TREM1: variants seen among roughly 807,000 people sequenced by gnomAD.
TREM1 encodes triggering receptor expressed on monocytes 1.
TREM1 carries 16 observed loss-of-function variants against 22.4 expected under a neutral mutation model. The observed-to-expected ratio is 0.71, with a 90% CI of 0.48 to 1.08. TREM1 has a LOEUF of 1.08. TREM1 is among the 50% of genes least tolerant of loss of function. The pLI is 0.00. For missense variants in TREM1, 283 were observed against 282.9 expected, an observed-to-expected ratio of 1.00 and a Z score of 0.00; for synonymous variants, 110 against 111.6, an observed-to-expected ratio of 0.99 and a Z score of 0.09.
intron 3 of TREM1, chr6:41,279,430 C>G (rs1334625532): frequency 1.3e-6 from 1 of 741,356 alleles, no homozygotes; most frequent in East Asian, 1.3e-4. Context: ...ACAGCTTACA[C>G]TTAAGGCCCT....
chr6:41,275,827 C>A lies in TREM1; in HGVS notation c.*298G>T. The A allele has an allele frequency of 2.4e-6, 1 of 411,180 alleles. No homozygotes were observed. Among genetic ancestry groups the A allele is most frequent in the Non-Finnish European group, 4.5e-6 (1 of 220,682 alleles). The allele number at this position is 411,180 out of a possible 1,614,324, so 25.5% of individuals were successfully genotyped here. A position where few individuals can be genotyped will look rare whatever the true frequency, so the allele number is the denominator to read the frequency against. ...TGTCACAGCCCCCACAAGAGAATTA[C>A]GGTGAAAAGCATTGAGCTGTCTGTA... On this transcript the variant is annotated 3_prime_UTR_variant, in exon 4 of 4. Transcript: ENST00000244709.
At position 41,274,461 on chromosome 6, in the gene TREM1, TAAA is replaced by T. The variant is rs1767586014; in HGVS notation, c.*1661_*1663del. ...TAAACAGGAACAATGCTGGGATTGCTAAAGTGTGGGGTTCCAGACCAGCAAGCT... is the reference window on the plus strand; with the variant it reads ...TAAACAGGAACAATGCTGGGATTGCTGTGTGGGGTTCCAGACCAGCAAGCT... On this transcript the variant is annotated 3_prime_UTR_variant, in exon 4 of 4. Coordinates refer to ENST00000244709, the MANE Select transcript of TREM1 (RefSeq NM_018643.5). Among the ~76,000 whole-genome samples, 1 of 152,158 alleles carries T rather than the reference TAAA, an allele frequency of 6.6e-6. No individual in the cohort carries two copies. The highest frequency in any genetic ancestry group is 2.4e-5 in the African/African-American group (1 of 41,430).
At chr6:41,276,840 T>C (rs1767690904) in intron 3 of TREM1, among the ~76,000 whole-genome samples, 1 of 152,064 alleles carries the variant, frequency 6.6e-6, no homozygotes, top group African/African-American at 2.4e-5. Context: ...AAAGGCCAGA[T>C]GCAGAGCCAG....
intron 3 of TREM1, among the ~76,000 whole-genome samples, chr6:41,278,550 G>A (rs1767763367): frequency 6.6e-6 from 1 of 151,868 alleles, no homozygotes; most frequent in Admixed American, 6.6e-5. Flanking sequence ...GTATGCACCT[G>A]TGGTCCCAGC....
intron 1 of TREM1, 81 bp downstream of exon 1, chr6:41,286,526 G>C (rs1050116855): frequency 6.6e-7 from 1 of 1,504,798 alleles, no homozygotes. Context: ...ATGGCCCTGT[G>C]CTCTGAAGCT....
chr6:41,267,990 GAGA>G (rs1767375273), exon 4 of TREM1: 1 of 398,658 alleles, frequency 2.5e-6, no homozygotes, highest in Non-Finnish European at 4.4e-6. Flanking sequence ...TCCAGCCTGG[GAGA>G]AGAACTGACT....
At chr6:41,272,980 C>A (rs946899610), downstream of TREM1, among the ~76,000 whole-genome samples, 4 of 152,132 alleles carry the variant, frequency 2.6e-5, no homozygotes, top group African/African-American at 9.7e-5. Flanking sequence ...GTTCTGCTTC[C>A]CCTTCTATTG....
rs1023212084 is a variant in TREM1, at chr6:41,276,013, G to C, written c.*112C>G. 28 of 779,844 alleles carry C rather than the reference G, an allele frequency of 3.6e-5. 1 individual carries two copies. The Middle Eastern group carries it at 9.6e-4, about 27-fold the overall frequency. The allele number at this position is 779,844 out of a possible 1,614,324, so 48.3% of individuals were successfully genotyped here. On this transcript the variant is annotated 3_prime_UTR_variant, in exon 4 of 4. Coordinates refer to ENST00000244709, the MANE Select transcript of TREM1 (RefSeq NM_018643.5). ...ACTTTAGAAATAGCCGGTGATTACA[G>C]ATTTAATTCATGTTATTAACTCCCT...
intron 2 of TREM1, 46 bp from the exon 3 acceptor site, chr6:41,281,199 A>G (rs1429294665): frequency 6.3e-7 from 1 of 1,593,624 alleles, no homozygotes; most frequent in Non-Finnish European, 8.6e-7. Flanking sequence ...ATGGATGATG[A>G]ATGGGTGGAT....
At chr6:41,272,111 A>G (rs755620249), downstream of TREM1, among the ~76,000 whole-genome samples, 4 of 152,114 alleles carry the variant, frequency 2.6e-5, no homozygotes, top group Non-Finnish European at 5.9e-5. Flanking sequence ...TTTACAATTG[A>G]CAAACCTTGG....
chr6:41,280,014 A>G (rs1767840375), intron 3 of TREM1: 2 of 980,488 alleles, frequency 2.0e-6, no homozygotes, highest in Non-Finnish European at 2.4e-6. Flanking sequence ...TTGATAGAAA[A>G]ATATGCACTC....
chr6:41,270,591 G>T (rs920360302), downstream of TREM1, among the ~76,000 whole-genome samples: 4 of 151,998 alleles, frequency 2.6e-5, no homozygotes, highest in African/African-American at 9.7e-5. Flanking sequence ...ACATTTCGTA[G>T]ACTGGAAAAT....
chr6:41,282,772 T>G (rs774229522), intron 1 of TREM1, 21 bp from the exon 2 acceptor site: 1 of 1,571,690 alleles, frequency 6.4e-7, no homozygotes, highest in East Asian at 2.2e-5. Flanking sequence ...GGAAAGAGAA[T>G]GGGTTCTGTG....
chr6:41,284,278 A>G (rs11966285), intron 1 of TREM1, among the ~76,000 whole-genome samples: 8,820 of 152,172 alleles, frequency 0.058, 705 homozygotes, highest in African/African-American at 0.18. Flanking sequence ...AGCAATCTAC[A>G]GTGCACAGGA....
Position 41,277,172 on chromosome 6 carries a change from C to T in TREM1, c.600-942G>A, listed in dbSNP as rs1187775747. 2.6e-5 allele frequency among the ~76,000 whole-genome samples: 4 copies of T among 152,056 alleles called. No individual in the cohort carries two copies. In the East Asian group the frequency reaches 7.7e-4, roughly 29 times the overall value. On this transcript the variant is annotated intron_variant, in intron 3 of 3. Coordinates refer to ENST00000244709, the MANE Select transcript of TREM1 (RefSeq NM_018643.5). ...TTTAAAATCAACACACCCACCTATA[C>T]AAAACTTAAAACCACATGCACAAAC...
At chr6:41,281,394 G>GA (rs1396702252) in intron 2 of TREM1, 7 of 499,978 alleles carry the variant, frequency 1.4e-5, no homozygotes, top group Non-Finnish European at 2.5e-5. Context: ...AAGGAAAGAA[G>GA]AAAAAAAGGG....
intron 3 of TREM1, chr6:41,280,639 T>C (rs998209950): frequency 2.4e-4 from 326 of 1,374,434 alleles, no homozygotes; most frequent in Non-Finnish European, 3.0e-4. Flanking sequence ...CTCAGAGTGC[T>C]TTCCCACTGC....
rs755918276 is a variant in TREM1 at position 41,281,029 on chromosome 6, G to A, written c.531C>T (p.Pro177=). The change falls in exon 3 of 4, where the codon CCC becomes CCT. Residue 177 remains proline (P), a synonymous_variant. Coordinates refer to ENST00000244709, the MANE Select transcript of TREM1 (RefSeq NM_018643.5). ...TSPRTVTQAP[P]KSTADVSTPD... is the part of the protein sequence containing the mutation. ...GAGTGGAGACATCGGCAGTTGACTT[G>A]GGTGGAGCTTGGGTCACAGTTCTGG... 4.3e-6 allele frequency: 7 copies of A among 1,614,230 alleles called. No homozygotes were observed. Among genetic ancestry groups the A allele is most frequent in the Non-Finnish European group, 5.1e-6 (6 of 1,180,050 alleles).
At chr6:41,272,311 T>G (rs1353229422), downstream of TREM1, among the ~76,000 whole-genome samples, 3 of 152,062 alleles carry the variant, frequency 2.0e-5, no homozygotes, top group Non-Finnish European at 4.4e-5. Context: ...CACTCACCCC[T>G]TCAGGCCACC....
Sources: allele counts gnomAD v4.1 joint callset (sites outside exome capture counted in the v4.1 genomes callset), GRCh38; gene constraint gnomAD v4.1.1; transcripts MANE v1.5; gene names NCBI Gene and HGNC (gene_info 2026-07-23, HGNC 2026-07-21).